EHF: variants seen among roughly 807,000 people sequenced by gnomAD.
EHF encodes the protein ETS homologous factor, also known as ESE3 transcription factor.
EHF carries 14 observed loss-of-function variants against 45.1 expected under a neutral mutation model. That is an observed-to-expected ratio of 0.31 (90% confidence interval 0.21 to 0.49). The LOEUF (loss-of-function observed/expected upper bound fraction) is 0.49. EHF is among the 20% of genes least tolerant of loss of function. EHF has a pLI of 0.99. For synonymous variants in EHF, 136 were observed against 131.8 expected, an observed-to-expected ratio of 1.03 and a Z score of -0.22; for missense variants, 282 against 371.4, an observed-to-expected ratio of 0.76 and a Z score of 1.98.
At chr11:34,652,099 T>A (rs1288043069) in intron 6 of EHF, among the ~76,000 whole-genome samples, 1 of 152,212 alleles carries the variant, frequency 6.6e-6, no homozygotes, top group African/African-American at 2.4e-5. Context: ...ACTCTTGCAA[T>A]ATAGCTGCTA....
intron 2 of EHF, among the ~76,000 whole-genome samples, chr11:34,646,004 G>A (rs1475378213): frequency 6.7e-6 from 1 of 149,188 alleles, no homozygotes; most frequent in Non-Finnish European, 1.5e-5. Context: ...CTTATTTTTA[G>A]TTGAAAATGG....
At chr11:34,642,411 G>A in intron 1 of EHF, 1 of 459,284 alleles carries the variant, frequency 2.2e-6, no homozygotes, top group African/African-American at 1.9e-5. Flanking sequence ...ATGGGTGGCT[G>A]TAAAAACTTG....
At chr11:34,655,267 C>T (rs536714104) in intron 6 of EHF, among the ~76,000 whole-genome samples, 3 of 152,222 alleles carry the variant, frequency 2.0e-5, no homozygotes, top group African/African-American at 7.2e-5. Context: ...CCTGCCATGA[C>T]GTTTCGAGAA....
At chr11:34,623,267 G>T (rs886598524) in intron 1 of EHF, among the ~76,000 whole-genome samples, 3 of 152,028 alleles carry the variant, frequency 2.0e-5, no homozygotes, top group African/African-American at 4.8e-5. Context: ...TGTATTTTTA[G>T]TAGAGACGGG....
chr11:34,623,301 G>T (rs1008979378), intron 1 of EHF, among the ~76,000 whole-genome samples: 2 of 152,048 alleles, frequency 1.3e-5, no homozygotes, highest in African/African-American at 4.8e-5. Context: ...AGCCAGGCTG[G>T]TTTTGAACTC....
intron 1 of EHF, among the ~76,000 whole-genome samples, chr11:34,635,249 C>T (rs899786996): frequency 2.0e-5 from 3 of 151,976 alleles, no homozygotes; most frequent in African/African-American, 4.8e-5. Flanking sequence ...AGCTGGCCTG[C>T]GTTGGTCTCT....
At position 34,659,265 on chromosome 11, in the gene EHF, A is replaced by G. The variant is rs576652809; in HGVS notation, c.*334A>G. On this transcript the variant is annotated 3_prime_UTR_variant, in exon 9 of 9. Coordinates refer to ENST00000257831, the MANE Select transcript of EHF (RefSeq NM_012153.6). ...GTAGCCTTGTGCTTCTTGCTAAGAG[A>G]AAGAAAAACAAAATCAGAGGGCATT... 5.2e-6 allele frequency: 1 copy of G among 191,772 alleles called. No individual in the cohort carries two copies. Among genetic ancestry groups the G allele is most frequent in the East Asian group, 1.3e-4 (1 of 7,458 alleles). The allele number at this position is 191,772 out of a possible 1,614,324, so 11.9% of individuals were successfully genotyped here. A position where few individuals can be genotyped will look rare whatever the true frequency, so the allele number is the denominator to read the frequency against.
At chr11:34,650,228 T>C (rs967659185) in intron 4 of EHF, among the ~76,000 whole-genome samples, 2 of 152,126 alleles carry the variant, frequency 1.3e-5, no homozygotes, top group Admixed American at 6.5e-5. Context: ...CAGACATTCT[T>C]GTGTTGCCAG....
rs748090248 is a variant in EHF at position 34,656,931 on chromosome 11, G to A, written c.568G>A (p.Glu190Lys). ...PVAESPDMKK[E>K]QDPPAKCHTK... ...AGCAGAGTCACCTGATATGAAAAAG[G>A]AGCAAGACCCCCCTGCCAAGTGCCA... Residue 190 changes from glutamate to lysine, a missense_variant, in exon 7 of 9, where the codon GAG becomes AAG. Physicochemically the swap from Glu to Lys is moderately conservative, Grantham distance 56. This residue lies in a region of EHF where 213 missense variants were observed against 247.3 expected (regional missense o/e 0.86). Coordinates refer to ENST00000257831, the MANE Select transcript of EHF (RefSeq NM_012153.6). 1.5e-5 allele frequency: 25 copies of A among 1,613,508 alleles called. No homozygotes were observed. In the Middle Eastern group the frequency reaches 3.1e-3, roughly 202 times the overall value.
chr11:34,654,237 C>A (rs1231734640), intron 6 of EHF, among the ~76,000 whole-genome samples: 2 of 152,198 alleles, frequency 1.3e-5, no homozygotes, highest in African/African-American at 4.8e-5. Context: ...AGGACCTTGG[C>A]CTGGAGTGCC....
chr11:34,658,819 T>A lies in EHF; in HGVS notation c.804-13T>A. ...ATCGGATCAGTCACCTTATGCAATC[T>A]CCTTTGTTACAGATATTACTACAAA... On this transcript the variant is annotated splice_polypyrimidine_tract_variant and intron_variant, in intron 8 of 8. Transcript: ENST00000257831. 1 of 1,610,168 alleles carries A rather than the reference T, an allele frequency of 6.2e-7. No individual in the cohort carries two copies. Among genetic ancestry groups the A allele is most frequent in the Non-Finnish European group, 8.5e-7 (1 of 1,178,526 alleles).
intron 1 of EHF, among the ~76,000 whole-genome samples, chr11:34,625,424 C>G (rs1020466418): frequency 6.6e-6 from 1 of 152,164 alleles, no homozygotes; most frequent in Non-Finnish European, 1.5e-5. Flanking sequence ...TTTAGGCACT[C>G]GTGGTGTCTA....
At chr11:34,653,255 A>G (rs1382822512) in intron 6 of EHF, among the ~76,000 whole-genome samples, 5 of 152,054 alleles carry the variant, frequency 3.3e-5, no homozygotes, top group Non-Finnish European at 7.4e-5. Flanking sequence ...TGAACCAACC[A>G]CTTCCTGAGC....
chr11:34,646,703 G>A lies in EHF; in HGVS notation c.343+19G>A, dbSNP rs764096090. 28 of 1,604,420 alleles carry A rather than the reference G, an allele frequency of 1.7e-5. No homozygotes were observed. Among genetic ancestry groups the A allele is most frequent in the Non-Finnish European group, 2.2e-5 (26 of 1,179,908 alleles). The stretch of plus-strand genomic sequence containing the variant: ...TGGAACGGTGACTCTCTCTTTCTGT[G>A]TCTCTCCCTACCCTGCTAGGAGCCA... On this transcript the variant is annotated intron_variant, in intron 3 of 8. Coordinates refer to ENST00000257831, the MANE Select transcript of EHF (RefSeq NM_012153.6).
At chr11:34,638,155 GC>G (rs1183950706) in intron 1 of EHF, among the ~76,000 whole-genome samples, 4 of 152,144 alleles carry the variant, frequency 2.6e-5, no homozygotes, top group Non-Finnish European at 5.9e-5. Context: ...ACCCGCCTCG[GC>G]CTCCCAAAGT....
rs186882814 is a variant in EHF at position 34,636,080 on chromosome 11, C to T, written c.-3-6548C>T. ...GATAAGAGAGCTTTGAAGCTTTGCT[C>T]GAAATGAACTTGGCTCTCAATTTCC... On this transcript the variant is annotated intron_variant, in intron 1 of 8. Coordinates refer to ENST00000257831, the MANE Select transcript of EHF (RefSeq NM_012153.6). Among the ~76,000 whole-genome samples, 13 of 152,170 alleles carry T rather than the reference C, an allele frequency of 8.5e-5. 1 individual carries two copies. The South Asian group carries it at 1.9e-3, about 22-fold the overall frequency.
chr11:34,625,614 C>T (rs1292909298), intron 1 of EHF, among the ~76,000 whole-genome samples: 2 of 152,180 alleles, frequency 1.3e-5, no homozygotes, highest in Non-Finnish European at 2.9e-5. Context: ...TCTGGAGAAA[C>T]CAGAACTTGC....
intron 1 of EHF, among the ~76,000 whole-genome samples, chr11:34,625,212 G>GT (rs36124662): frequency 0.51 from 76,867 of 151,838 alleles, 20,225 homozygotes; most frequent in Non-Finnish European, 0.54. Context: ...GACACCTGGA[G>GT]CCTTTATTAA....
chr11:34,627,131 T>C (rs1852446821), intron 1 of EHF, among the ~76,000 whole-genome samples: 1 of 151,742 alleles, frequency 6.6e-6, no homozygotes, highest in Admixed American at 6.6e-5. Context: ...TGTGTGTGTG[T>C]GTGTGTGTGT....
Sources: allele counts gnomAD v4.1 joint callset (sites outside exome capture counted in the v4.1 genomes callset), GRCh38; gene constraint gnomAD v4.1.1; regional missense constraint gnomAD v4.1.1; transcripts MANE v1.5; gene names NCBI Gene and HGNC (gene_info 2026-07-23, HGNC 2026-07-21).